The following EP300 variants were observed in gnomAD, a reference collection of about 807,000 sequenced individuals.
The protein encoded by EP300 is EP300 lysine acetyltransferase.
EP300 carries 31 observed loss-of-function variants against 264.0 expected under a neutral mutation model. The ratio of observed to expected loss-of-function variants is 0.12; its 90% CI spans 0.09 to 0.16. EP300 has a LOEUF of 0.16. Among genes scored for constraint, EP300 ranks in the 10% least tolerant of loss-of-function variants. The probability of loss-of-function intolerance (pLI) is 1.00; values close to 1 mark genes in which losing one functional copy is unlikely to be tolerated. For synonymous variants in EP300, 1,340 were observed against 1,045.4 expected, an observed-to-expected ratio of 1.28 and a Z score of -5.44; for missense variants, 2,766 against 3,052.9, an observed-to-expected ratio of 0.91 and a Z score of 2.21.
At chr22:41,119,560 G>A (rs1446846990) in intron 2 of EP300, among the ~76,000 whole-genome samples, 1 of 152,080 alleles carries the variant, frequency 6.6e-6, no homozygotes, top group Non-Finnish European at 1.5e-5. Context: ...CTTATTTTAT[G>A]TAACCTACTT....
chr22:41,138,224 C>T (rs970949990), intron 8 of EP300, among the ~76,000 whole-genome samples: 2 of 152,122 alleles, frequency 1.3e-5, no homozygotes, highest in Non-Finnish European at 1.5e-5. Flanking sequence ...AGTGCAGTGG[C>T]ACGATCTTGG....
Position 41,148,002 on chromosome 22 carries a change from C to T in EP300, c.2241+56C>T, listed in dbSNP as rs868178598. ...GCCTTTACCTGGTATTTTGAAAATC[C>T]TGTTTGTTCCTACTTTATAAATTCT... On this transcript the variant is annotated intron_variant, in intron 12 of 30. Coordinates refer to ENST00000263253, the MANE Select transcript of EP300 (RefSeq NM_001429.4). 5 of 1,177,512 alleles carry T rather than the reference C, an allele frequency of 4.2e-6. No homozygotes were observed. In the Middle Eastern group the frequency reaches 9.9e-4, roughly 234 times the overall value. 72.9% of individuals were successfully genotyped at this position (1,177,512 alleles called of 1,614,324 possible).
intron 25 of EP300, 67 bp downstream of exon 25, chr22:41,168,934 A>G (rs2059155117): frequency 2.5e-6 from 4 of 1,600,178 alleles, no homozygotes; most frequent in Non-Finnish European, 3.4e-6. Context: ...TAGGTGGAAA[A>G]GCATAACAGG....
rs2058879757 is a variant in EP300, at chr22:41,125,940, G to A, written c.806G>A (p.Gly269Asp). 1 of 1,614,170 alleles carries A rather than the reference G, an allele frequency of 6.2e-7. No individual in the cohort carries two copies. Among genetic ancestry groups the A allele is most frequent in the Non-Finnish European group, 8.5e-7 (1 of 1,180,024 alleles). The change falls in exon 3 of 31, where the codon GGC becomes GAC. Residue 269 changes from glycine to aspartate, a missense_variant. Transcript: ENST00000263253. ...QNPGQQIGAS[G>D]LGLQIQTKTV... ...CCTGGACAGCAGATTGGAGCCAGTG[G>A]CCTTGGTCTCCAGATTCAGACAAAA...
chr22:41,137,934 A>C, intron 8 of EP300, 144 bp downstream of exon 8: 1 of 1,155,588 alleles, frequency 8.7e-7, no homozygotes, highest in South Asian at 1.3e-5. Flanking sequence ...ACTCTTGTGG[A>C]TTTCTTGCTG....
At chr22:41,171,312 G>C (rs1242696103) in intron 27 of EP300, among the ~76,000 whole-genome samples, 9 of 151,616 alleles carry the variant, frequency 5.9e-5, no homozygotes, top group Non-Finnish European at 2.9e-5. Context: ...TGTTGGTTTG[G>C]TTTGGGTTGG....
intron 19 of EP300, chr22:41,159,440 A>G (rs1469388714): frequency 1.3e-5 from 2 of 152,212 alleles, no homozygotes; most frequent in Non-Finnish European, 2.9e-5. Flanking sequence ...CTCTTTACTC[A>G]TTTGAAACCT....
chr22:41,151,693 G>A (rs1010095978), intron 14 of EP300, 140 bp from the exon 15 acceptor site: 64 of 842,776 alleles, frequency 7.6e-5, no homozygotes, highest in Non-Finnish European at 1.1e-4. Flanking sequence ...AATGGGCAGA[G>A]CAAATGAAAG....
At chr22:41,169,836 T>G (rs1228981584) in intron 26 of EP300, among the ~76,000 whole-genome samples, 5 of 152,216 alleles carry the variant, frequency 3.3e-5, no homozygotes, top group Non-Finnish European at 5.9e-5. Context: ...TTAGTTTTGT[T>G]TGTAAGCTAA....
chr22:41,093,721 A>G (rs2058687236), intron 1 of EP300, among the ~76,000 whole-genome samples: 1 of 152,142 alleles, frequency 6.6e-6, no homozygotes, highest in Non-Finnish European at 1.5e-5. Context: ...AGTTCATTTC[A>G]CATCTCCCAG....
intron 21 of EP300, among the ~76,000 whole-genome samples, chr22:41,163,487 C>T (rs2059118809): frequency 6.7e-6 from 1 of 148,958 alleles, no homozygotes. Context: ...CAGTGGCCCA[C>T]ATCTGTAATC....
intron 1 of EP300, among the ~76,000 whole-genome samples, chr22:41,100,851 T>C (rs2058727780): frequency 1.3e-5 from 2 of 152,118 alleles, no homozygotes; most frequent in Admixed American, 1.3e-4. Flanking sequence ...CATATATATA[T>C]AGTATCATGA....
intron 26 of EP300, 24 bp downstream of exon 26, chr22:41,169,640 T>C: frequency 5.8e-6 from 8 of 1,379,488 alleles, no homozygotes; most frequent in Non-Finnish European, 8.2e-6. Flanking sequence ...GATAATGGCT[T>C]TTTTTCTTTA....
intron 16 of EP300, among the ~76,000 whole-genome samples, chr22:41,153,760 A>G (rs2059060597): frequency 6.6e-6 from 1 of 152,158 alleles, no homozygotes; most frequent in Non-Finnish European, 1.5e-5. Context: ...TCAAACAAAT[A>G]AATAAAATAA....
intron 23 of EP300, among the ~76,000 whole-genome samples, chr22:41,166,983 A>AGTTT (rs1177025606): frequency 2.0e-5 from 3 of 152,050 alleles, no homozygotes; most frequent in Non-Finnish European, 4.4e-5. Context: ...GCCATCTCTC[A>AGTTT]GTTTGTTTAT....
chr22:41,151,542 C>G (rs2059045570), intron 14 of EP300, among the ~76,000 whole-genome samples: 1 of 152,164 alleles, frequency 6.6e-6, no homozygotes, highest in South Asian at 2.1e-4. Flanking sequence ...TCCTCTGAAG[C>G]AGACATCTTT....
intron 1 of EP300, among the ~76,000 whole-genome samples, chr22:41,100,929 T>C (rs1397786274): frequency 2.6e-5 from 4 of 152,136 alleles, no homozygotes; most frequent in Non-Finnish European, 2.9e-5. Context: ...AGACATCTTA[T>C]ATATCCTATC....
At chr22:41,098,687 T>TGA (rs373713441) in intron 1 of EP300, among the ~76,000 whole-genome samples, 7 of 151,868 alleles carry the variant, frequency 4.6e-5, no homozygotes, top group South Asian at 2.1e-4. Flanking sequence ...GTAATTTTGT[T>TGA]GAGAGAGAGA....
intron 16 of EP300, among the ~76,000 whole-genome samples, chr22:41,153,003 G>A (rs1032554651): frequency 1.3e-5 from 2 of 152,094 alleles, no homozygotes; most frequent in African/African-American, 2.4e-5. Context: ...TGATCCACCC[G>A]CTTCGAGCTC....
Sources: allele counts gnomAD v4.1 joint callset (sites outside exome capture counted in the v4.1 genomes callset), GRCh38; gene constraint gnomAD v4.1.1; transcripts MANE v1.5; gene names NCBI Gene and HGNC (gene_info 2026-07-23, HGNC 2026-07-21).